The following ASMT variants were observed in gnomAD, a reference collection of about 807,000 sequenced individuals.
ASMT encodes the protein acetylserotonin N-methyltransferase.
Under a neutral mutation model 41.3 loss-of-function variants are expected in ASMT, and 53 were observed. That is an observed-to-expected ratio of 1.28 (90% CI 1.03 to 1.61). The LOEUF (loss-of-function observed/expected upper bound fraction) is 1.61, where lower values mean the gene tolerates loss of function less well. ASMT is among the 40% of genes most tolerant of loss of function. The probability of loss-of-function intolerance (pLI) is 0.00; values close to 1 mark genes in which losing one functional copy is unlikely to be tolerated. For missense variants in ASMT, 531 were observed against 441.3 expected (o/e 1.20, Z -1.82); for synonymous variants, 231 against 184.8 (o/e 1.25, Z -2.03).
At chrX:1,633,333 T>C in intron 7 of ASMT, 43 bp downstream of exon 7, 1 of 1,612,988 alleles carries the variant, frequency 6.2e-7, no homozygotes, top group East Asian at 2.2e-5. Flanking sequence ...GTCTCACGGC[T>C]TCTCCAGGGG....
In ASMT at chrX:1,624,127, A is replaced by C. The variant is rs1396989567; in HGVS notation, c.245-142A>C. 2.5e-6 allele frequency: 3 copies of C among 1,185,844 alleles called. No individual in the cohort carries two copies. In the Admixed American group the frequency reaches 5.1e-5, roughly 20 times the overall value. The allele number at this position is 1,185,844 out of a possible 1,614,324, so 73.5% of individuals were successfully genotyped here. The stretch of plus-strand genomic sequence containing the variant: ...TTCCACAGAAGGCTCCAGCTGTACA[A>C]GGCAAGAGGAAGACCCCATCTCTAA... On this transcript the variant is annotated intron_variant, in intron 2 of 8. Transcript: ENST00000381241.
Position 1,617,677 on chromosome X carries a change from G to A in ASMT, c.69+2409G>A, listed in dbSNP as rs771646393. 1.1e-3 allele frequency among the ~76,000 whole-genome samples: 165 copies of A among 149,920 alleles called. 1 individual carries two copies. Among genetic ancestry groups the A allele is most frequent in the Middle Eastern group, 6.8e-3 (2 of 292 alleles). The stretch of plus-strand genomic sequence containing the variant: ...GTCGCCCAGGCTGGAGCGCAGTGGC[G>A]CTATCTCGGCTCACTGCAACCTCTG... On this transcript the variant is annotated intron_variant, in intron 1 of 8. Coordinates refer to ENST00000381241, the MANE Select transcript of ASMT (RefSeq NM_001171038.2).
At chrX:1,635,033 G>A (rs1307399782) in intron 7 of ASMT, among the ~76,000 whole-genome samples, 1 of 142,508 alleles carries the variant, frequency 7.0e-6, no homozygotes, top group Non-Finnish European at 1.5e-5. Context: ...GGAGTGCAGT[G>A]GTGGGATCTC....
Position 1,642,950 on chromosome X carries a change from G to A in ASMT, c.1058G>A (p.Gly353Asp). 6.2e-7 allele frequency: 1 copy of A among 1,613,980 alleles called. No individual in the cohort carries two copies. The change falls in exon 9 of 9, where the codon GGC becomes GAC. Residue 353 changes from glycine to aspartate, a missense_variant. Gly to Asp is a moderately conservative substitution (Grantham distance 94). Transcript: ENST00000381241. ...TACCACATGCTCCTCTCTTCTGCTGGCTTCAGAGACTTCCAGTTTAAGAAA... is the reference window on the plus strand; with the variant it reads ...TACCACATGCTCCTCTCTTCTGCTGACTTCAGAGACTTCCAGTTTAAGAAA... ...THYHMLLSSA[G>D]FRDFQFKKTG...
rs1934616965 is a variant in ASMT at position 1,627,912 on chromosome X, C to T, written c.443+141C>T. The T allele has an allele frequency of 4.9e-6, 4 of 816,244 alleles. 1 individual carries two copies. The South Asian group carries it at 5.7e-5, about 12-fold the overall frequency. The allele number at this position is 816,244 out of a possible 1,614,324, so 50.6% of individuals were successfully genotyped here. ...TAATTTAAAATAACATCCCCTATCC[C>T]CACTACTACCCCAGATTTTGCTCAT... On this transcript the variant is annotated intron_variant, in intron 4 of 8. Transcript: ENST00000381241.
At chrX:1,636,969 GCACA>G (rs1569384310) in intron 8 of ASMT, among the ~76,000 whole-genome samples, 22 of 73,146 alleles carry the variant, frequency 3.0e-4, no homozygotes, top group Non-Finnish European at 3.9e-4. Flanking sequence ...CATCCTGATG[GCACA>G]TGAGGATGTG....
At chrX:1,626,498 T>A (rs1934553788) in intron 3 of ASMT, among the ~76,000 whole-genome samples, 1 of 151,986 alleles carries the variant, frequency 6.6e-6, no homozygotes, top group Non-Finnish European at 1.5e-5. Context: ...CCTCCCAGAG[T>A]GTTAGGATTA....
At chrX:1,617,763 G>A (rs569391664) in intron 1 of ASMT, among the ~76,000 whole-genome samples, 8 of 146,940 alleles carry the variant, frequency 5.4e-5, no homozygotes, top group South Asian at 2.2e-4. Context: ...GTACAGGCGC[G>A]TTCCAACACG....
chrX:1,624,969 C>G (rs1179468645), intron 3 of ASMT, among the ~76,000 whole-genome samples: 2 of 151,840 alleles, frequency 1.3e-5, no homozygotes, highest in African/African-American at 4.8e-5. Context: ...GGGGGCTGAC[C>G]CCAGGCAGAT....
At chrX:1,642,549 G>C (rs1445675761) in intron 8 of ASMT, among the ~76,000 whole-genome samples, 1 of 151,138 alleles carries the variant, frequency 6.6e-6, no homozygotes, top group African/African-American at 2.4e-5. Context: ...TCTCCTGTGA[G>C]GTCCATCCAT....
At chrX:1,628,245 C>T (rs766353631) in intron 4 of ASMT, among the ~76,000 whole-genome samples, 74 of 152,260 alleles carry the variant, frequency 4.9e-4, no homozygotes, top group African/African-American at 1.6e-3. Context: ...TGCTTGAACC[C>T]GGGAGGCGGA....
intron 2 of ASMT, among the ~76,000 whole-genome samples, chrX:1,623,521 C>T (rs150662928): frequency 0.017 from 2,516 of 152,108 alleles, 68 homozygotes; most frequent in African/African-American, 0.057. Context: ...ATGGCATGAA[C>T]CCGGGAGGCA....
intron 1 of ASMT, among the ~76,000 whole-genome samples, chrX:1,621,112 A>C (rs1257188391): frequency 1.3e-5 from 2 of 152,032 alleles, no homozygotes; most frequent in Admixed American, 1.3e-4. Context: ...AAGAACAAAC[A>C]AAAAGATAGT....
At chrX:1,636,053 T>C (rs1199788278) in intron 7 of ASMT, among the ~76,000 whole-genome samples, 2 of 150,708 alleles carry the variant, frequency 1.3e-5, no homozygotes, top group East Asian at 4.0e-4. Context: ...CCTCCCGGGT[T>C]CATGCCATTC....
Position 1,624,360 on chromosome X carries a change from C to T in ASMT, c.336C>T (p.Thr112=), listed in dbSNP as rs148543648. The change falls in exon 3 of 9, where the codon ACC becomes ACT. Residue 112 remains threonine (T), a synonymous_variant. Transcript: ENST00000381241. Reference sequence around the variant, plus strand: ...GCATGCTGAAGTACATGGGCAGGACCAGCTACCGGTGCTGGGGCCACCTGG... The same window carrying T: ...GCATGCTGAAGTACATGGGCAGGACTAGCTACCGGTGCTGGGGCCACCTGG... ...QCSMLKYMGR[T]SYRCWGHLAD... 873 of 1,613,822 alleles carry T rather than the reference C, an allele frequency of 5.4e-4. 3 individuals carry two copies. The African/African-American group carries it at 9.0e-3, about 17-fold the overall frequency.
At chrX:1,617,718 C>T (rs746506563) in intron 1 of ASMT, among the ~76,000 whole-genome samples, 213 of 151,636 alleles carry the variant, frequency 1.4e-3, no homozygotes, top group African/African-American at 4.7e-3. Context: ...CGGGTTCAAG[C>T]GATTCTCCTG....
intron 8 of ASMT, among the ~76,000 whole-genome samples, chrX:1,636,811 T>A (rs760543520): frequency 6.6e-6 from 1 of 152,400 alleles, no homozygotes. Context: ...GGTGAAATTC[T>A]TTCAGAATTA....
intron 7 of ASMT, among the ~76,000 whole-genome samples, chrX:1,635,963 C>CTTTTT (rs756873361): frequency 2.7e-4 from 38 of 141,988 alleles, no homozygotes; most frequent in Non-Finnish European, 3.7e-4. Context: ...TATTTTCTTT[C>CTTTTT]TTTTTTTTTT....
intron 4 of ASMT, among the ~76,000 whole-genome samples, chrX:1,628,333 G>T (rs1467742056): frequency 6.6e-6 from 1 of 152,096 alleles, no homozygotes; most frequent in African/African-American, 2.4e-5. Flanking sequence ...AAAAAGAAAA[G>T]AAAAGAATAT....
Sources: allele counts gnomAD v4.1 joint callset (sites outside exome capture counted in the v4.1 genomes callset), GRCh38; gene constraint gnomAD v4.1.1; transcripts MANE v1.5; gene names NCBI Gene and HGNC (gene_info 2026-07-23, HGNC 2026-07-21).